The following LYST variants were observed in gnomAD, a reference collection of about 807,000 sequenced individuals.
LYST encodes lysosomal trafficking regulator.
In LYST, 192 loss-of-function variants were observed where a neutral mutation model predicts 413.6. The observed-to-expected ratio is 0.46, with a 90% CI of 0.41 to 0.52. The LOEUF (loss-of-function observed/expected upper bound fraction) is 0.52. LYST is among the 20% of genes least tolerant of loss of function. The pLI is 0.00. For synonymous variants in LYST, 1,525 were observed against 1,567.3 expected (o/e 0.97, Z 0.64); for missense variants, 3,815 against 4,499.9 (o/e 0.85, Z 4.35).
chr1:235,780,201 T>G (rs1669702856), intron 16 of LYST, among the ~76,000 whole-genome samples: 1 of 151,630 alleles, frequency 6.6e-6, no homozygotes, highest in Admixed American at 6.6e-5. Context: ...AGGCCAGGAG[T>G]TTGAGACTAG....
chr1:235,788,873 A>G lies in LYST; in HGVS notation c.4544-28T>C, dbSNP rs2273583. On this transcript the variant is annotated intron_variant, in intron 12 of 52. Coordinates refer to ENST00000389793, the MANE Select transcript of LYST (RefSeq NM_000081.4). ...ATAAGAAAAAGATGTTAGAATGATC[A>G]GTAAAATGGTTCGTAACAACTGAGT... 281 of 1,609,524 alleles carry G rather than the reference A, an allele frequency of 1.7e-4. No homozygotes were observed. The East Asian group carries it at 6.2e-3, about 35-fold the overall frequency.
chr1:235,766,299 T>A (rs1227217487), intron 20 of LYST, 22 bp from the exon 21 acceptor site: 1 of 1,547,184 alleles, frequency 6.5e-7, no homozygotes, highest in Middle Eastern at 1.7e-4. Flanking sequence ...AAAAAAACTC[T>A]CTTTAGATTT....
chr1:235,741,863 G>A (rs1306138752), intron 30 of LYST, among the ~76,000 whole-genome samples: 1 of 152,180 alleles, frequency 6.6e-6, no homozygotes, highest in African/African-American at 2.4e-5. Flanking sequence ...CAGTCTGAAC[G>A]TCCATCAGTG....
intron 1 of LYST, among the ~76,000 whole-genome samples, chr1:235,835,051 G>T (rs374151347): frequency 2.6e-5 from 4 of 151,578 alleles, no homozygotes; most frequent in Non-Finnish European, 5.9e-5. Flanking sequence ...CCGAGTAGCC[G>T]GGATTACAGG....
In LYST at chr1:235,677,652, C is replaced by A. The variant is rs752510934; in HGVS notation, c.10801-33G>T. 6 of 1,581,234 alleles carry A rather than the reference C, an allele frequency of 3.8e-6. No homozygotes were observed. The African/African-American group carries it at 8.1e-5, about 21-fold the overall frequency. ...TTTAAAATTAAGTATGAGATAAAAA[C>A]CACAACAAAAAGTACTCTAGTATAG... On this transcript the variant is annotated intron_variant, in intron 48 of 52. Transcript: ENST00000389793.
chr1:235,817,747 A>G (rs1202790029), intron 3 of LYST, among the ~76,000 whole-genome samples: 2 of 152,036 alleles, frequency 1.3e-5, no homozygotes, highest in Non-Finnish European at 2.9e-5. Flanking sequence ...GGATCAAAAA[A>G]CTATCGATTG....
chr1:235,838,223 G>A (rs139067029), intron 1 of LYST, among the ~76,000 whole-genome samples: 2 of 152,194 alleles, frequency 1.3e-5, no homozygotes, highest in Non-Finnish European at 1.5e-5. Context: ...AGTGTAACAG[G>A]GTCAAAAAAC....
intron 43 of LYST, among the ~76,000 whole-genome samples, 168 bp from the exon 44 acceptor site, chr1:235,709,476 C>T (rs1463552158): frequency 7.1e-6 from 1 of 139,896 alleles, no homozygotes; most frequent in Admixed American, 6.8e-5. Flanking sequence ...TGCTCATCTA[C>T]TTATGTACCT....
intron 37 of LYST, 42 bp downstream of exon 37, chr1:235,729,554 G>A: frequency 1.6e-6 from 2 of 1,249,136 alleles, no homozygotes; most frequent in Non-Finnish European, 2.4e-6. Flanking sequence ...AATCAAATAA[G>A]GCAGGGTGAA....
intron 34 of LYST, 128 bp from the exon 35 acceptor site, chr1:235,731,305 A>G: frequency 1.2e-6 from 1 of 820,782 alleles, no homozygotes; most frequent in South Asian, 1.4e-5. Flanking sequence ...CCAAATGTTT[A>G]TATATTTGAT....
intron 47 of LYST, among the ~76,000 whole-genome samples, chr1:235,688,457 G>A (rs1489616180): frequency 6.6e-6 from 1 of 152,154 alleles, no homozygotes; most frequent in African/African-American, 2.4e-5. Flanking sequence ...CATCTTTCAG[G>A]AAAGTATAAA....
intron 3 of LYST, among the ~76,000 whole-genome samples, chr1:235,825,031 A>AAAC (rs534430125): frequency 2.8e-3 from 422 of 152,110 alleles, no homozygotes; most frequent in African/African-American, 7.3e-3. Context: ...AAAAAAAAGA[A>AAAC]AACAACAACA....
Position 235,724,029 on chromosome 1 carries a change from T to G in LYST, c.9314A>C (p.Lys3105Thr), listed in dbSNP as rs759207082. The change falls in exon 39 of 53, where the codon AAG becomes ACG. Residue 3105 changes from lysine to threonine, a missense_variant and splice_region_variant. Transcript: ENST00000389793. Reference sequence around the variant, plus strand: ...ATCAATTAATAAGGGTGAATTTACCTTGGTGTTATCAAATGCCAACAGGAG... The same window carrying G: ...ATCAATTAATAAGGGTGAATTTACCGTGGTGTTATCAAATGCCAACAGGAG... The part of the protein sequence containing the change: ...RTLLLAFDNT[K>T]VRDDVYHNIL... 6.2e-7 allele frequency: 1 copy of G among 1,613,016 alleles called. No individual in the cohort carries two copies. Among genetic ancestry groups the G allele is most frequent in the Non-Finnish European group, 8.5e-7 (1 of 1,179,168 alleles).
intron 25 of LYST, 115 bp from the exon 26 acceptor site, chr1:235,753,389 G>C: frequency 4.3e-6 from 3 of 694,848 alleles, no homozygotes; most frequent in Non-Finnish European, 7.7e-6. Flanking sequence ...AAACAAGTTG[G>C]GGGAGTAAGG....
chr1:235,726,909 C>T (rs571183120), intron 38 of LYST, among the ~76,000 whole-genome samples: 1 of 152,126 alleles, frequency 6.6e-6, no homozygotes, highest in Non-Finnish European at 1.5e-5. Flanking sequence ...TTGTCTCATA[C>T]ATCAACTATT....
At chr1:235,714,102 A>C (rs1304858088) in intron 42 of LYST, among the ~76,000 whole-genome samples, 1 of 152,200 alleles carries the variant, frequency 6.6e-6, no homozygotes, top group Admixed American at 6.5e-5. Flanking sequence ...CTTTTCATCA[A>C]GAGCATTCAC....
chr1:235,693,505 GA>G lies in LYST; in HGVS notation c.10565-20del, dbSNP rs760254735. On this transcript the variant is annotated intron_variant, in intron 46 of 52. Coordinates refer to ENST00000389793, the MANE Select transcript of LYST (RefSeq NM_000081.4). ...CTCACACCTCAAGGAGAAGGAGAAA[GA>G]AAAGTATCAGATTGTCACTGCTCGA... 10 of 1,613,842 alleles carry G rather than the reference GA, an allele frequency of 6.2e-6. No homozygotes were observed. Among genetic ancestry groups the G allele is most frequent in the Non-Finnish European group, 8.5e-6 (10 of 1,179,980 alleles).
chr1:235,726,119 A>G (rs1026982904), intron 38 of LYST, among the ~76,000 whole-genome samples: 1 of 152,120 alleles, frequency 6.6e-6, no homozygotes, highest in Admixed American at 6.5e-5. Flanking sequence ...TCTTTTTTAA[A>G]TCAGTTTTTT....
intron 1 of LYST, among the ~76,000 whole-genome samples, chr1:235,862,038 C>A (rs961957917): frequency 2.6e-5 from 4 of 152,116 alleles, no homozygotes; most frequent in Admixed American, 1.3e-4. Flanking sequence ...CAGATCAAAT[C>A]AAAATGGAGT....
Sources: gnomAD v4.1 joint callset for allele counts (sites outside exome capture counted in the v4.1 genomes callset) on GRCh38, gnomAD v4.1.1 for gene constraint, MANE v1.5 for transcripts, NCBI Gene and HGNC (gene_info 2026-07-23, HGNC 2026-07-21) for gene names.